The following SELENOF variants were observed in gnomAD, a reference collection of about 807,000 sequenced individuals.
The protein encoded by SELENOF is 15 kDa selenoprotein.
Under a neutral mutation model 20.5 loss-of-function variants are expected in SELENOF, and 16 were observed. The observed-to-expected ratio is 0.78, with a 90% CI of 0.53 to 1.19. The LOEUF is 1.19. Ranked by LOEUF, SELENOF falls within the 50% of genes most tolerant of loss-of-function variation. SELENOF has a pLI of 0.00. For synonymous variants in SELENOF, 78 were observed against 74.5 expected (o/e 1.05, Z -0.24); for missense variants, 215 against 194.2 (o/e 1.11, Z -0.64).
chr1:86,913,458 T>C (rs1244775491), intron 1 of SELENOF, among the ~76,000 whole-genome samples: 1 of 152,226 alleles, frequency 6.6e-6, no homozygotes, highest in Non-Finnish European at 1.5e-5. Context: ...GAATTATACT[T>C]TGGTATAGAT....
intron 2 of SELENOF, chr1:86,887,210 G>GA (rs773323629): frequency 4.0e-5 from 62 of 1,531,620 alleles, no homozygotes; most frequent in South Asian, 1.7e-4. Flanking sequence ...AGGATTAGGG[G>GA]AAAAAAAATC....
chr1:86,872,926 G>A (rs887673077), intron 3 of SELENOF, among the ~76,000 whole-genome samples: 1 of 152,188 alleles, frequency 6.6e-6, no homozygotes, highest in East Asian at 1.9e-4. Context: ...CTGTAGCGCG[G>A]CTACTCCGGA....
intron 4 of SELENOF, among the ~76,000 whole-genome samples, chr1:86,866,039 TA>T (rs1165788441): frequency 1.3e-5 from 2 of 150,842 alleles, no homozygotes; most frequent in African/African-American, 4.9e-5. Context: ...TATAAAAAAA[TA>T]AAAAAAATTA....
intron 1 of SELENOF, among the ~76,000 whole-genome samples, chr1:86,905,494 T>G (rs1017362327): frequency 7.9e-5 from 12 of 152,342 alleles, no homozygotes; most frequent in Admixed American, 3.9e-4. Flanking sequence ...TCTCAATCAT[T>G]AGCCAGAGTA....
At chr1:86,913,083 A>G (rs1028704473) in intron 1 of SELENOF, among the ~76,000 whole-genome samples, 2 of 152,230 alleles carry the variant, frequency 1.3e-5, no homozygotes, top group African/African-American at 4.8e-5. Context: ...TTTTGGTTAA[A>G]GTAGCCAAAG....
intron 2 of SELENOF, among the ~76,000 whole-genome samples, chr1:86,899,633 C>CG (rs1317705103): frequency 6.7e-6 from 1 of 149,832 alleles, no homozygotes; most frequent in Admixed American, 6.6e-5. Context: ...GCTGGCCTGG[C>CG]GGGGGGCTGA....
At chr1:86,880,045 T>TGTAAA (rs77231559) in intron 3 of SELENOF, among the ~76,000 whole-genome samples, 46,237 of 151,836 alleles carry the variant, frequency 0.3, 9,263 homozygotes, top group African/African-American at 0.57. Context: ...ACTTACATCT[T>TGTAAA]GGAAAGGCTC....
At chr1:86,897,651 G>A (rs1288400849) in intron 2 of SELENOF, among the ~76,000 whole-genome samples, 1 of 152,182 alleles carries the variant, frequency 6.6e-6, no homozygotes, top group Non-Finnish European at 1.5e-5. Context: ...TAGCTACTAT[G>A]CAGCTAACAG....
At chr1:86,886,969 C>T (rs541613614) in intron 2 of SELENOF, among the ~76,000 whole-genome samples, 1 of 152,220 alleles carries the variant, frequency 6.6e-6, no homozygotes, top group Non-Finnish European at 1.5e-5. Flanking sequence ...AAAAAATCAA[C>T]TTTATTCCTT....
chr1:86,877,427 T>G (rs1658950973), intron 3 of SELENOF, among the ~76,000 whole-genome samples: 1 of 152,196 alleles, frequency 6.6e-6, no homozygotes, highest in Non-Finnish European at 1.5e-5. Flanking sequence ...TGAGTATCCT[T>G]AACTGAAATG....
intron 2 of SELENOF, among the ~76,000 whole-genome samples, chr1:86,898,046 A>T (rs979371916): frequency 1.3e-5 from 2 of 152,210 alleles, no homozygotes; most frequent in Non-Finnish European, 2.9e-5. Flanking sequence ...GTAAATACTA[A>T]CTGTACAAAA....
upstream of SELENOF, chr1:86,914,459 T>C: frequency 2.9e-6 from 1 of 349,320 alleles, no homozygotes; most frequent in South Asian, 2.9e-5. Context: ...TTGATTGAGC[T>C]CTGTGGCAGA....
chr1:86,910,100 G>C (rs948014883), intron 1 of SELENOF, among the ~76,000 whole-genome samples: 1 of 152,254 alleles, frequency 6.6e-6, no homozygotes, highest in African/African-American at 2.4e-5. Flanking sequence ...TCTTAGTTCA[G>C]GGAGAAAGAG....
chr1:86,907,683 T>C (rs992110987), intron 1 of SELENOF, among the ~76,000 whole-genome samples: 1 of 152,196 alleles, frequency 6.6e-6, no homozygotes, highest in African/African-American at 2.4e-5. Flanking sequence ...CAAAGCAGAA[T>C]TGACAAATTA....
intron 3 of SELENOF, among the ~76,000 whole-genome samples, chr1:86,878,216 T>C (rs1173994342): frequency 1.3e-5 from 2 of 152,186 alleles, no homozygotes; most frequent in African/African-American, 4.8e-5. Flanking sequence ...AGGTAAAACA[T>C]ACCAAAATTT....
At chr1:86,873,089 A>AAATAAATC (rs1658826016) in intron 3 of SELENOF, among the ~76,000 whole-genome samples, 1 of 130,112 alleles carries the variant, frequency 7.7e-6, no homozygotes, top group East Asian at 2.0e-4. Context: ...ATAAATAAAT[A>AAATAAATC]AATAAAATAA....
chr1:86,868,346 G>A (rs1261294889), intron 3 of SELENOF, among the ~76,000 whole-genome samples: 1 of 152,112 alleles, frequency 6.6e-6, no homozygotes, highest in Non-Finnish European at 1.5e-5. Flanking sequence ...TTTGACAAAA[G>A]TGATAGACAG....
At chr1:86,902,356 G>A (rs1055318025) in intron 2 of SELENOF, among the ~76,000 whole-genome samples, 8 of 152,178 alleles carry the variant, frequency 5.3e-5, no homozygotes, top group African/African-American at 1.9e-4. Context: ...AATTTTGGCT[G>A]AATACTAACA....
chr1:86,881,282 A>G (rs771313877), intron 2 of SELENOF, among the ~76,000 whole-genome samples: 6 of 152,242 alleles, frequency 3.9e-5, no homozygotes, highest in Non-Finnish European at 7.3e-5. Flanking sequence ...AATTTAGCTG[A>G]AATGGATTCA....
Sources: gnomAD v4.1 joint callset for allele counts (sites outside exome capture counted in the v4.1 genomes callset) on GRCh38, gnomAD v4.1.1 for gene constraint, MANE v1.5 for transcripts, NCBI Gene and HGNC (gene_info 2026-07-23, HGNC 2026-07-21) for gene names.